Variants in SHANK2 observed in about 807,000 individuals in gnomAD.
SHANK2 encodes SH3 and multiple ankyrin repeat domains protein 2.
In SHANK2, 43 loss-of-function variants were observed where a neutral mutation model predicts 133.7. The ratio of observed to expected loss-of-function variants is 0.32; its 90% CI spans 0.25 to 0.41. The LOEUF (loss-of-function observed/expected upper bound fraction) is 0.41, where lower values mean the gene tolerates loss of function less well. SHANK2 is among the 10% of genes least tolerant of loss of function. The probability of loss-of-function intolerance (pLI) is 1.00; values close to 1 mark genes in which losing one functional copy is unlikely to be tolerated. For synonymous variants in SHANK2, 1,017 were observed against 952.8 expected (o/e 1.07, Z -1.24); for missense variants, 1,994 against 2,235.8 (o/e 0.89, Z 2.18).
chr11:70,737,591 C>T (rs1376771464), intron 14 of SHANK2, among the ~76,000 whole-genome samples: 2 of 152,250 alleles, frequency 1.3e-5, no homozygotes, highest in Non-Finnish European at 2.9e-5. Flanking sequence ...CCCCATTTCT[C>T]TCCAGGAGAC....
At chr11:70,561,430 C>T (rs530273437) in intron 17 of SHANK2, among the ~76,000 whole-genome samples, 6 of 152,024 alleles carry the variant, frequency 3.9e-5, no homozygotes, top group African/African-American at 7.2e-5. Flanking sequence ...TCGATTTTCT[C>T]GACGTTGCCA....
chr11:70,862,787 A>G, intron 11 of SHANK2: 6 of 281,114 alleles, frequency 2.1e-5, no homozygotes, highest in South Asian at 1.8e-4. Flanking sequence ...GACACATTGC[A>G]CATTTTGGAT....
chr11:70,745,430 C>T (rs1450125599), intron 14 of SHANK2, among the ~76,000 whole-genome samples: 8 of 152,222 alleles, frequency 5.3e-5, no homozygotes, highest in African/African-American at 1.4e-4. Context: ...CTGGGGCTCA[C>T]AGTCCCTCAA....
intron 3 of SHANK2, among the ~76,000 whole-genome samples, chr11:71,135,329 T>C (rs547686618): frequency 6.6e-6 from 1 of 152,170 alleles, no homozygotes; most frequent in Non-Finnish European, 1.5e-5. Flanking sequence ...TGGAGCGGAA[T>C]TGCTGCCCAG....
chr11:70,701,035 C>T (rs1419668287), intron 14 of SHANK2, among the ~76,000 whole-genome samples: 2 of 152,198 alleles, frequency 1.3e-5, no homozygotes, highest in African/African-American at 4.8e-5. Flanking sequence ...CCTCATGTGG[C>T]AGCTTTGTGC....
chr11:70,698,071 C>G (rs1945436626), intron 15 of SHANK2: 2 of 155,234 alleles, frequency 1.3e-5, no homozygotes, highest in Admixed American at 6.3e-5. Context: ...CACAGAGACC[C>G]AAGGACTTCC....
intron 10 of SHANK2, among the ~76,000 whole-genome samples, chr11:70,924,463 A>T (rs1950398808): frequency 1.3e-5 from 2 of 151,864 alleles, no homozygotes; most frequent in African/African-American, 2.4e-5. Flanking sequence ...TTTTTTAAAA[A>T]TTTTTATTTT....
At chr11:70,856,508 G>T (rs1949174553) in intron 11 of SHANK2, among the ~76,000 whole-genome samples, 1 of 151,768 alleles carries the variant, frequency 6.6e-6, no homozygotes, top group African/African-American at 2.4e-5. Flanking sequence ...TGAGTGGATG[G>T]ATGGATGGAT....
intron 10 of SHANK2, among the ~76,000 whole-genome samples, chr11:70,939,691 C>A (rs2135838493): frequency 6.6e-6 from 1 of 152,178 alleles, no homozygotes; most frequent in African/African-American, 2.4e-5. Flanking sequence ...ATTCCCTTCC[C>A]CATGATGGAC....
intron 10 of SHANK2, among the ~76,000 whole-genome samples, chr11:70,913,406 C>T (rs1308855849): frequency 2.6e-5 from 4 of 151,924 alleles, no homozygotes; most frequent in Non-Finnish European, 5.9e-5. Context: ...CATTTCAATT[C>T]CTCCGGGAAC....
At chr11:71,217,762 C>T (rs1954442867) in intron 2 of SHANK2, among the ~76,000 whole-genome samples, 1 of 152,180 alleles carries the variant, frequency 6.6e-6, no homozygotes, top group Non-Finnish European at 1.5e-5. Context: ...TAGAAAAAGG[C>T]TTATGGAATA....
rs57654927 is a variant in SHANK2, at chr11:70,569,873, C to T, written c.2062-66942G>A. ...AAGAAGCAAGGGCAGGAGGTCAGTA[C>T]GAGGAGACGGGGACGACGGTACAGA... On this transcript the variant is annotated intron_variant, in intron 17 of 25. Coordinates refer to ENST00000601538, the MANE Select transcript of SHANK2 (RefSeq NM_012309.5). The surrounding 1 kb of genome is among the most constrained non-coding windows in gnomAD (Gnocchi z 5.1). Among the ~76,000 whole-genome samples the T allele has an allele frequency of 0.047, 7,108 of 151,926 alleles. 231 individuals carry two copies. The highest frequency in any genetic ancestry group is 0.096 in the East Asian group (493 of 5,144).
chr11:70,662,678 T>C (rs1413385009), intron 15 of SHANK2, among the ~76,000 whole-genome samples: 1 of 151,758 alleles, frequency 6.6e-6, no homozygotes, highest in Non-Finnish European at 1.5e-5. Flanking sequence ...TGCTTGCCTC[T>C]AGCCATGGCA....
chr11:70,919,736 C>A (rs1467196199), intron 10 of SHANK2, among the ~76,000 whole-genome samples: 2 of 152,194 alleles, frequency 1.3e-5, no homozygotes, highest in African/African-American at 4.8e-5. Flanking sequence ...TTGACCAACA[C>A]CACCCCAGCC....
At chr11:70,561,003 G>A (rs79896662) in intron 17 of SHANK2, among the ~76,000 whole-genome samples, 3,956 of 152,304 alleles carry the variant, frequency 0.026, 75 homozygotes, top group Non-Finnish European at 0.039. Flanking sequence ...AAAAGAGAGC[G>A]CAGAGATAGC....
chr11:71,165,936 C>T (rs1474302982), intron 2 of SHANK2, among the ~76,000 whole-genome samples: 4 of 152,184 alleles, frequency 2.6e-5, no homozygotes, highest in South Asian at 2.1e-4. Flanking sequence ...AAGCCATCTC[C>T]TCCATCCTCT....
chr11:70,517,930 T>G (rs1014588884), intron 17 of SHANK2, among the ~76,000 whole-genome samples: 2 of 152,306 alleles, frequency 1.3e-5, no homozygotes, highest in South Asian at 4.1e-4. Flanking sequence ...ACAAGCCAAT[T>G]GAAAAATAGG....
At chr11:71,218,559 G>A (rs1262435768) in intron 2 of SHANK2, among the ~76,000 whole-genome samples, 8 of 152,048 alleles carry the variant, frequency 5.3e-5, no homozygotes, top group African/African-American at 4.8e-5. Flanking sequence ...CCCCGGGACC[G>A]GGCTGTTCTA....
intron 11 of SHANK2, among the ~76,000 whole-genome samples, chr11:70,871,826 C>T (rs942389607): frequency 2.0e-5 from 3 of 152,136 alleles, no homozygotes; most frequent in Admixed American, 6.5e-5. Flanking sequence ...TCTTTGAAGC[C>T]GTCTGAGATT....
Sources: allele counts gnomAD v4.1 joint callset (sites outside exome capture counted in the v4.1 genomes callset), GRCh38; gene constraint gnomAD v4.1.1; non-coding constraint Gnocchi (gnomAD v3.1); transcripts MANE v1.5; gene names NCBI Gene and HGNC (gene_info 2026-07-23, HGNC 2026-07-21).